Variants in KNG1 observed in about 807,000 individuals in gnomAD.
KNG1 encodes the protein kininogen-1.
KNG1 carries 23 observed loss-of-function variants against 47.8 expected under a neutral mutation model. The ratio of observed to expected loss-of-function variants is 0.48; its 90% confidence interval spans 0.35 to 0.68. The LOEUF (loss-of-function observed/expected upper bound fraction) is 0.68, where lower values mean the gene tolerates loss of function less well. KNG1 is among the 30% of genes least tolerant of loss of function. The pLI, the probability that KNG1 is intolerant of heterozygous loss-of-function variation, is 0.01. For synonymous variants in KNG1, 277 were observed against 277.0 expected, an observed-to-expected ratio of 1.00 and a Z score of 0.00; for missense variants, 762 against 790.2, an observed-to-expected ratio of 0.96 and a Z score of 0.43.
chr3:186,730,341 T>TGAC (rs1720479304), intron 5 of KNG1, among the ~76,000 whole-genome samples: 1 of 152,010 alleles, frequency 6.6e-6, no homozygotes, highest in South Asian at 2.1e-4. Flanking sequence ...GATCTTTTTG[T>TGAC]GACCTGGTGT....
chr3:186,743,523 G>T lies in KNG1; in HGVS notation c.*1192G>T. On this transcript the variant is annotated 3_prime_UTR_variant, in exon 10 of 10. Coordinates refer to ENST00000644859, the MANE Select transcript of KNG1 (RefSeq NM_001102416.3). ...ATCTTTGGATGTATATGTCACTGCT[G>T]CTTCAAGTTATTGGATGCATTTGAA... 1 of 612,816 alleles carries T rather than the reference G, an allele frequency of 1.6e-6. No homozygotes were observed. Among genetic ancestry groups the T allele is most frequent in the Non-Finnish European group, 2.9e-6 (1 of 342,182 alleles). The allele number at this position is 612,816 out of a possible 1,614,324, so 38.0% of individuals were successfully genotyped here.
rs1250857071 is a variant in KNG1, at chr3:186,742,295, A to G, written c.1899A>G (p.Glu633=). 6.2e-7 allele frequency: 1 copy of G among 1,614,056 alleles called. No individual in the cohort carries two copies. The highest frequency in any genetic ancestry group is 1.7e-5 in the Admixed American group (1 of 59,998). The change falls in exon 10 of 10, where the codon GAA becomes GAG. Residue 633 remains glutamate, a synonymous_variant. Coordinates refer to ENST00000644859, the MANE Select transcript of KNG1 (RefSeq NM_001102416.3). ...TTAATCCAACCACACAAATGAAAGAATCTTATTATTTCGATCTCACTGATG... is the reference window on the plus strand; with the variant it reads ...TTAATCCAACCACACAAATGAAAGAGTCTTATTATTTCGATCTCACTGATG... The part of the protein sequence containing the change: ...SEINPTTQMK[E]SYYFDLTDGL...
chr3:186,741,724 A>G lies in KNG1; in HGVS notation c.1328A>G (p.His443Arg), dbSNP rs372870141. 5.6e-6 allele frequency: 9 copies of G among 1,614,126 alleles called. No homozygotes were observed. The highest frequency in any genetic ancestry group is 2.2e-5 in the South Asian group (2 of 91,088). ...HEKQRKHNLG[H>R]GHKHERDQGH... ...AAACAAAGAAAACATAATCTTGGCCATGGCCATAAACATGAACGTGACCAA... is the reference window on the plus strand; with the variant it reads ...AAACAAAGAAAACATAATCTTGGCCGTGGCCATAAACATGAACGTGACCAA... Residue 443 changes from histidine to arginine, a missense_variant, in exon 10 of 10, where the codon CAT (histidine) becomes CGT (arginine). Physicochemically the swap from His to Arg is conservative, Grantham distance 29. Coordinates refer to ENST00000644859, the MANE Select transcript of KNG1 (RefSeq NM_001102416.3).
intron 5 of KNG1, among the ~76,000 whole-genome samples, chr3:186,729,797 C>T (rs5030037): frequency 0.028 from 4,213 of 152,102 alleles, 184 homozygotes; most frequent in African/African-American, 0.097. Flanking sequence ...CTCAGCTTCC[C>T]GAGTAGCTGG....
At chr3:186,725,358 T>C (rs1720329770) in intron 4 of KNG1, 98 bp downstream of exon 4, 1 of 1,206,346 alleles carries the variant, frequency 8.3e-7, no homozygotes, top group African/African-American at 1.5e-5. Context: ...TGTTTTCATG[T>C]GACTAGCACA....
Position 186,742,101 on chromosome 3 carries a change from A to T in KNG1, c.1705A>T (p.Ile569Phe). 3 of 1,613,832 alleles carry T rather than the reference A, an allele frequency of 1.9e-6. No individual in the cohort carries two copies. The highest frequency in any genetic ancestry group is 2.5e-6 in the Non-Finnish European group (3 of 1,179,776). The change falls in exon 10 of 10, where the codon ATT (isoleucine) becomes TTT (phenylalanine). Residue 569 changes from isoleucine to phenylalanine, a missense_variant. Ile to Phe is a conservative substitution (Grantham distance 21, BLOSUM62 0). Transcript: ENST00000644859. ...TFSDFQDSDL[I>F]ATMMPPISPA... The stretch of plus-strand genomic sequence containing the variant: ...TTCTGACTTTCAGGACTCTGATCTC[A>T]TTGCAACTATGATGCCTCCTATATC...
chr3:186,729,678 CT>C (rs33934143), intron 5 of KNG1, among the ~76,000 whole-genome samples: 4 of 148,768 alleles, frequency 2.7e-5, no homozygotes, highest in African/African-American at 7.4e-5. Context: ...GTAGGCTTTT[CT>C]TTTTTTTTTT....
chr3:186,730,311 C>T (rs1283833212), intron 5 of KNG1, among the ~76,000 whole-genome samples: 1 of 151,680 alleles, frequency 6.6e-6, no homozygotes, highest in Non-Finnish European at 1.5e-5. Context: ...TGTATTGTTT[C>T]TGCTTTGTAA....
intron 1 of KNG1, 30 bp downstream of exon 1, chr3:186,717,767 A>C: frequency 1.9e-6 from 3 of 1,557,864 alleles, no homozygotes; most frequent in Non-Finnish European, 2.7e-6. Context: ...CCTTGAAGTC[A>C]CTTGGGATTT....
At chr3:186,717,839 A>ACCACCAC in intron 1 of KNG1, 102 bp downstream of exon 1, 4 of 705,366 alleles carry the variant, frequency 5.7e-6, no homozygotes, top group Non-Finnish European at 9.6e-6. Flanking sequence ...AGCACCCACC[A>ACCACCAC]CCACCACCCA....
In KNG1 at chr3:186,743,158, T is replaced by C. The variant is rs1247348845; in HGVS notation, c.*827T>C. ...TCTGTTTATTTTTGCTGAGCCTAGA[T>C]TGAGTAATTCTTAGTTTACAGAAGC... On this transcript the variant is annotated 3_prime_UTR_variant, in exon 10 of 10. Transcript: ENST00000644859. The C allele has an allele frequency of 6.1e-6, 1 of 165,202 alleles. No individual in the cohort carries two copies. Among genetic ancestry groups the C allele is most frequent in the African/African-American group, 2.4e-5 (1 of 41,592 alleles). The allele number at this position is 165,202 out of a possible 1,614,324, so 10.2% of individuals were successfully genotyped here. A position where few individuals can be genotyped will look rare whatever the true frequency, so the allele number is the denominator to read the frequency against.
At chr3:186,741,468 C>A in intron 9 of KNG1, 54 bp from the exon 10 acceptor site, 1 of 1,529,218 alleles carries the variant, frequency 6.5e-7, no homozygotes, top group South Asian at 1.2e-5. Context: ...TTTTTTCTAT[C>A]ATCAATAGCA....
Position 186,739,320 on chromosome 3 carries a change from A to G in KNG1, c.1039-8A>G. 1 of 1,612,376 alleles carries G rather than the reference A, an allele frequency of 6.2e-7. No homozygotes were observed. The highest frequency in any genetic ancestry group is 8.5e-7 in the Non-Finnish European group (1 of 1,178,406). ...TGTCTCTCTTTCGACTTCTGTTTTCATGGATAGCAAAGCCTAGATTGCAAC... is the reference window on the plus strand; with the variant it reads ...TGTCTCTCTTTCGACTTCTGTTTTCGTGGATAGCAAAGCCTAGATTGCAAC... On this transcript the variant is annotated splice_polypyrimidine_tract_variant and splice_region_variant and intron_variant, in intron 8 of 9. Transcript: ENST00000644859.
chr3:186,733,485 T>G (rs1195518756), intron 7 of KNG1, among the ~76,000 whole-genome samples: 1 of 152,118 alleles, frequency 6.6e-6, no homozygotes, highest in Non-Finnish European at 1.5e-5. Context: ...CTCCTGCAAA[T>G]GTACCCTCTG....
At chr3:186,731,654 C>T (rs375001899) in intron 6 of KNG1, 25 bp downstream of exon 6, 169 of 1,422,028 alleles carry the variant, frequency 1.2e-4, no homozygotes, top group Middle Eastern at 1.7e-4. Flanking sequence ...ATGTTGGCAC[C>T]GCAATAGAGG....
chr3:186,728,676 G>A (rs976823256), intron 5 of KNG1: 5 of 152,132 alleles, frequency 3.3e-5, no homozygotes, highest in African/African-American at 1.2e-4. Flanking sequence ...TTTGAGAAGA[G>A]GTCTTGCTCT....
At chr3:186,740,588 G>A (rs1477724831) in intron 9 of KNG1, among the ~76,000 whole-genome samples, 1 of 152,208 alleles carries the variant, frequency 6.6e-6, no homozygotes, top group African/African-American at 2.4e-5. Context: ...TTAATCCACA[G>A]ATCGACATAT....
In KNG1 at chr3:186,720,384, C is replaced by G. The variant is rs1048180506; in HGVS notation, c.306+169C>G. Reference sequence around the variant, plus strand: ...CTTTATATCTGTGTTCTTGTATAGACAGAAAAATCATGGAGAAGCCAGCAG... The same window carrying G: ...CTTTATATCTGTGTTCTTGTATAGAGAGAAAAATCATGGAGAAGCCAGCAG... On this transcript the variant is annotated intron_variant, in intron 2 of 9. Coordinates refer to ENST00000644859, the MANE Select transcript of KNG1 (RefSeq NM_001102416.3). 6 of 630,160 alleles carry G rather than the reference C, an allele frequency of 9.5e-6. No individual in the cohort carries two copies. The South Asian group carries it at 1.1e-4, about 12-fold the overall frequency. 39.0% of individuals were successfully genotyped at this position (630,160 alleles called of 1,614,324 possible).
At chr3:186,733,242 CTAAATAAATAAA>C (rs10576660) in intron 7 of KNG1, among the ~76,000 whole-genome samples, 12 of 150,286 alleles carry the variant, frequency 8.0e-5, no homozygotes, top group African/African-American at 2.5e-4. Flanking sequence ...GAGACTCTGT[CTAAATAAATAAA>C]TAAATAAATA....
Sources: gnomAD v4.1 joint callset for allele counts (sites outside exome capture counted in the v4.1 genomes callset) on GRCh38, gnomAD v4.1.1 for gene constraint, MANE v1.5 for transcripts, NCBI Gene and HGNC (gene_info 2026-07-23, HGNC 2026-07-21) for gene names.